The following LRRC4C variants were observed in gnomAD, a reference collection of about 807,000 sequenced individuals.
LRRC4C encodes leucine-rich repeat-containing protein 4C.
In LRRC4C, 5 loss-of-function variants were observed where a neutral mutation model predicts 33.6. The observed-to-expected ratio is 0.15, with a 90% CI of 0.08 to 0.31. The LOEUF (loss-of-function observed/expected upper bound fraction) is 0.31, where lower values mean the gene tolerates loss of function less well. LRRC4C is among the 10% of genes least tolerant of loss of function. LRRC4C has a pLI of 1.00. For synonymous variants in LRRC4C, 329 were observed against 302.0 expected, an observed-to-expected ratio of 1.09 and a Z score of -0.93; for missense variants, 560 against 796.7, an observed-to-expected ratio of 0.70 and a Z score of 3.58.
At chr11:41,281,205 G>A (rs763285831) in intron 1 of LRRC4C, among the ~76,000 whole-genome samples, 30 of 151,844 alleles carry the variant, frequency 2.0e-4, no homozygotes, top group Non-Finnish European at 4.0e-4. Flanking sequence ...CTATGCTGGA[G>A]AGCATTAAGG....
intron 3 of LRRC4C, among the ~76,000 whole-genome samples, chr11:40,592,245 T>C (rs532770289): frequency 6.6e-6 from 1 of 152,058 alleles, no homozygotes; most frequent in Non-Finnish European, 1.5e-5. Context: ...AATGTGGAAA[T>C]GGTGTTGCAG....
intron 1 of LRRC4C, among the ~76,000 whole-genome samples, chr11:41,091,805 T>C (rs1379384787): frequency 6.6e-6 from 1 of 152,194 alleles, no homozygotes; most frequent in Non-Finnish European, 1.5e-5. Context: ...GGCTGGCGTG[T>C]AATTTAAGTT....
At chr11:40,639,095 G>C (rs80199627) in intron 3 of LRRC4C, among the ~76,000 whole-genome samples, 4,917 of 151,730 alleles carry the variant, frequency 0.032, 113 homozygotes, top group African/African-American at 0.057. Flanking sequence ...TTCCTAGGGA[G>C]GAATTCTTAC....
chr11:40,303,692 A>T (rs1204294126), intron 4 of LRRC4C, among the ~76,000 whole-genome samples: 1 of 152,196 alleles, frequency 6.6e-6, no homozygotes, highest in African/African-American at 2.4e-5. Context: ...TTGTTTTAAA[A>T]TGCAAATATC....
At chr11:40,691,939 A>T (rs1039732636) in intron 2 of LRRC4C, among the ~76,000 whole-genome samples, 1 of 152,078 alleles carries the variant, frequency 6.6e-6, no homozygotes, top group African/African-American at 2.4e-5. Flanking sequence ...CTGTCTCCAC[A>T]GACAGGCAGG....
chr11:40,989,861 A>C (rs1853380364), intron 1 of LRRC4C, among the ~76,000 whole-genome samples: 1 of 152,112 alleles, frequency 6.6e-6, no homozygotes, highest in Non-Finnish European at 1.5e-5. Flanking sequence ...GCAGTTTAAA[A>C]ATATTCAGAA....
At chr11:41,285,899 G>A (rs556347583) in intron 1 of LRRC4C, among the ~76,000 whole-genome samples, 2 of 151,928 alleles carry the variant, frequency 1.3e-5, no homozygotes, top group South Asian at 2.1e-4. Context: ...GCATGATCTC[G>A]GCTCATTGCA....
At chr11:40,444,296 T>A (rs1362674457) in intron 3 of LRRC4C, among the ~76,000 whole-genome samples, 1 of 151,604 alleles carries the variant, frequency 6.6e-6, no homozygotes, top group Non-Finnish European at 1.5e-5. Context: ...CAGAGCTGTT[T>A]CTTCTAATCT....
intron 1 of LRRC4C, among the ~76,000 whole-genome samples, chr11:41,026,063 C>T (rs1856326493): frequency 6.6e-6 from 1 of 151,662 alleles, no homozygotes; most frequent in Non-Finnish European, 1.5e-5. Context: ...CATTCTGTAA[C>T]CTATGGATCA....
At chr11:40,786,872 A>C (rs2137331502) in intron 2 of LRRC4C, among the ~76,000 whole-genome samples, 1 of 151,738 alleles carries the variant, frequency 6.6e-6, no homozygotes, top group South Asian at 2.1e-4. Flanking sequence ...CATCCAGAAA[A>C]CATTTGTAAT....
At chr11:41,407,805 G>T (rs7130734) in intron 1 of LRRC4C, among the ~76,000 whole-genome samples, 60,820 of 151,920 alleles carry the variant, frequency 0.4, 13,141 homozygotes, top group African/African-American at 0.56. Context: ...ATGTCTCAAA[G>T]GTAGGTGTAA....
At chr11:40,679,503 T>A (rs1482235222) in intron 2 of LRRC4C, among the ~76,000 whole-genome samples, 1 of 152,052 alleles carries the variant, frequency 6.6e-6, no homozygotes, top group Non-Finnish European at 1.5e-5. Context: ...GAGCAAAAAA[T>A]TGTTTCATGG....
rs563005245 is a variant in LRRC4C at position 41,220,529 on chromosome 11, GAC to G, written c.-496+238900_-496+238901del. Among the ~76,000 whole-genome samples the G allele has an allele frequency of 6.7e-3, 590 of 88,538 alleles. 5 individuals are homozygous for G. Among genetic ancestry groups the G allele is most frequent in the African/African-American group, 0.024 (558 of 22,982 alleles). The allele number at this position is 88,538 out of a possible 152,430, so 58.1% of individuals were successfully genotyped here. On this transcript the variant is annotated intron_variant, in intron 1 of 6. Transcript: ENST00000528697. ...ATTATCCTCCAATATTAAACACACA[GAC>G]ATACACACACACACACACACACACA...
At chr11:40,351,131 G>C (rs1309860719) in intron 3 of LRRC4C, among the ~76,000 whole-genome samples, 1 of 151,916 alleles carries the variant, frequency 6.6e-6, no homozygotes, top group Non-Finnish European at 1.5e-5. Flanking sequence ...AATAGTAATG[G>C]TGAAAGTGGG....
intron 1 of LRRC4C, among the ~76,000 whole-genome samples, chr11:41,273,839 A>C (rs555500397): frequency 2.7e-4 from 41 of 152,314 alleles, no homozygotes; most frequent in African/African-American, 9.9e-4. Flanking sequence ...AGGTGTGAGA[A>C]TATGTCCAAA....
At chr11:41,052,084 T>G (rs2138140617) in intron 1 of LRRC4C, among the ~76,000 whole-genome samples, 1 of 152,270 alleles carries the variant, frequency 6.6e-6, no homozygotes, top group Non-Finnish European at 1.5e-5. Context: ...AAACCACACG[T>G]ACCTGGGACA....
intron 1 of LRRC4C, among the ~76,000 whole-genome samples, chr11:41,281,104 T>TCTCTCACACACACA (rs1455403663): frequency 9.8e-6 from 1 of 102,512 alleles, no homozygotes; most frequent in African/African-American, 3.7e-5. Flanking sequence ...TCTCTCTCTC[T>TCTCTCACACACACA]CACACACACA....
intron 4 of LRRC4C, among the ~76,000 whole-genome samples, chr11:40,279,554 C>A (rs1270852235): frequency 6.6e-6 from 1 of 152,132 alleles, no homozygotes; most frequent in African/African-American, 2.4e-5. Context: ...CAAATAATAG[C>A]TTGAGTATTT....
At chr11:41,205,914 C>A (rs953989521) in intron 1 of LRRC4C, among the ~76,000 whole-genome samples, 2 of 152,088 alleles carry the variant, frequency 1.3e-5, no homozygotes, top group African/African-American at 2.4e-5. Flanking sequence ...ACTGGAAACA[C>A]TAAACCATGC....
Sources: allele counts gnomAD v4.1 joint callset (sites outside exome capture counted in the v4.1 genomes callset), GRCh38; gene constraint gnomAD v4.1.1; transcripts MANE v1.5; gene names NCBI Gene and HGNC (gene_info 2026-07-23, HGNC 2026-07-21).